The following KANSL1L variants were observed in gnomAD, a reference collection of about 807,000 sequenced individuals.
KANSL1L encodes KAT8 regulatory NSL complex subunit 1-like protein.
A neutral mutation model predicts 108.6 loss-of-function variants in KANSL1L; 25 were observed. The observed-to-expected ratio is 0.23, with a 90% confidence interval of 0.17 to 0.32. The LOEUF is 0.32. Ranked by LOEUF, KANSL1L falls within the 10% of genes least tolerant of loss-of-function variation. The pLI is 1.00. For synonymous variants in KANSL1L, 405 were observed against 395.1 expected, an observed-to-expected ratio of 1.03 and a Z score of -0.30; for missense variants, 1,137 against 1,125.7, an observed-to-expected ratio of 1.01 and a Z score of -0.14.
chr2:210,130,464 C>A (rs1385470777), intron 2 of KANSL1L, among the ~76,000 whole-genome samples: 1 of 152,104 alleles, frequency 6.6e-6, no homozygotes, highest in Admixed American at 6.6e-5. Context: ...TATGGCTTTG[C>A]TATATAGAAT....
chr2:210,129,878 T>G (rs2095104292), intron 2 of KANSL1L, among the ~76,000 whole-genome samples: 1 of 151,900 alleles, frequency 6.6e-6, no homozygotes, highest in Admixed American at 6.6e-5. Context: ...GGTTGATTCC[T>G]AGCTCCTCCT....
At chr2:210,096,311 T>G (rs1325381222) in intron 5 of KANSL1L, 2 of 163,590 alleles carry the variant, frequency 1.2e-5, no homozygotes, top group Admixed American at 6.5e-5. Flanking sequence ...ACAATTCCAT[T>G]TTTATTACAT....
chr2:210,131,943 C>A (rs912723603), intron 2 of KANSL1L, among the ~76,000 whole-genome samples: 1 of 151,928 alleles, frequency 6.6e-6, no homozygotes, highest in Non-Finnish European at 1.5e-5. Context: ...GTGATCTACC[C>A]GCCTCGGCCT....
intron 6 of KANSL1L, among the ~76,000 whole-genome samples, chr2:210,062,284 T>C (rs1471463946): frequency 6.6e-6 from 1 of 152,246 alleles, no homozygotes; most frequent in Non-Finnish European, 1.5e-5. Context: ...CCTTTCACCT[T>C]GTGCGGTGAT....
intron 5 of KANSL1L, among the ~76,000 whole-genome samples, chr2:210,092,032 T>G (rs1214795865): frequency 6.6e-6 from 1 of 152,198 alleles, no homozygotes; most frequent in Non-Finnish European, 1.5e-5. Context: ...AAGTCAGCTA[T>G]CCGTCTAACT....
Position 210,154,088 on chromosome 2 carries a change from T to C in KANSL1L, c.495A>G (p.Lys165=), listed in dbSNP as rs948018337. Residue 165 remains lysine (K), a synonymous_variant, in exon 2 of 15, where the codon AAA becomes AAG. Transcript: ENST00000281772. ...SNITKDTNVD[K]VQLQNCKWYQ... The stretch of plus-strand genomic sequence containing the variant: ...ACCATTTACAGTTTTGTAGTTGTAC[T>C]TTATCTACATTAGTGTCTTTGGTTA... The C allele has an allele frequency of 2.5e-6, 4 of 1,613,640 alleles. No homozygotes were observed. In the African/African-American group the frequency reaches 4.0e-5, roughly 16 times the overall value.
chr2:210,081,071 C>T (rs1007210725), intron 5 of KANSL1L, among the ~76,000 whole-genome samples: 9 of 151,786 alleles, frequency 5.9e-5, no homozygotes, highest in Non-Finnish European at 1.2e-4. Flanking sequence ...TGTGCCACTG[C>T]ACTCCAGCCT....
intron 3 of KANSL1L, among the ~76,000 whole-genome samples, chr2:210,127,442 TG>T (rs1369851749): frequency 1.3e-5 from 2 of 151,980 alleles, no homozygotes; most frequent in Non-Finnish European, 2.9e-5. Flanking sequence ...AGTAGACAAA[TG>T]GGACTTCAGA....
At chr2:210,096,616 A>G (rs2094738236) in intron 5 of KANSL1L, 1 of 985,238 alleles carries the variant, frequency 1.0e-6, no homozygotes, top group African/African-American at 1.7e-5. Context: ...ATGCTTATAC[A>G]CCAATTTGAT....
In KANSL1L at chr2:210,028,822, TATG is replaced by T; in HGVS notation, c.2396+20_2396+22del. On this transcript the variant is annotated intron_variant, in intron 11 of 14. Transcript: ENST00000281772. ...TTATTAGGGAAGGAAGGAAGAAAAA[TATG>T]AAGATGTAAGTATACATACCTTGGA... is the stretch of plus-strand genomic sequence containing the variant. The T allele has an allele frequency of 6.7e-7, 1 of 1,482,258 alleles. No individual in the cohort carries two copies. The highest frequency in any genetic ancestry group is 1.4e-5 in the African/African-American group (1 of 69,580). 91.8% of individuals were successfully genotyped at this position (1,482,258 alleles called of 1,614,324 possible). A position where few individuals can be genotyped will look rare whatever the true frequency, so the allele number is the denominator to read the frequency against.
At chr2:210,079,614 A>G (rs11894099) in intron 5 of KANSL1L, among the ~76,000 whole-genome samples, 386 of 1,818 alleles carry the variant, frequency 0.21, 10 homozygotes, top group East Asian at 0.39. Flanking sequence ...ATGTATGTGT[A>G]TATATATATA....
At chr2:210,169,158 CACAA>C (rs1033831769) in intron 1 of KANSL1L, among the ~76,000 whole-genome samples, 25 of 152,030 alleles carry the variant, frequency 1.6e-4, no homozygotes, top group African/African-American at 5.1e-4. Context: ...AAAACACACA[CACAA>C]ACAAACAACA....
intron 8 of KANSL1L, among the ~76,000 whole-genome samples, chr2:210,039,955 T>A (rs1014484665): frequency 1.3e-5 from 2 of 151,874 alleles, no homozygotes; most frequent in African/African-American, 4.8e-5. Flanking sequence ...TATAGATTTT[T>A]GTCATGTTTC....
intron 2 of KANSL1L, among the ~76,000 whole-genome samples, chr2:210,143,908 T>C (rs1233450219): frequency 1.3e-5 from 2 of 152,242 alleles, no homozygotes; most frequent in African/African-American, 4.8e-5. Context: ...GAATTGACTA[T>C]TACCAGTGAG....
chr2:210,117,569 C>T (rs145245566), intron 3 of KANSL1L, among the ~76,000 whole-genome samples: 103 of 152,216 alleles, frequency 6.8e-4, no homozygotes, highest in Non-Finnish European at 1.4e-3. Context: ...GGAAACCTTA[C>T]AGGTGAGGAG....
Position 210,043,931 on chromosome 2 carries a change from AG to A in KANSL1L, c.1921+7del. ...TCGTTACTTAGAAATTGTTACAAGGAGGCTTACCTGATGGCAATGATAGAAC... is the reference window on the plus strand; with the variant it reads ...TCGTTACTTAGAAATTGTTACAAGGAGCTTACCTGATGGCAATGATAGAAC... On this transcript the variant is annotated splice_region_variant and intron_variant, in intron 7 of 14. Transcript: ENST00000281772. 1 of 1,554,476 alleles carries A rather than the reference AG, an allele frequency of 6.4e-7. No individual in the cohort carries two copies. The highest frequency in any genetic ancestry group is 8.7e-7 in the Non-Finnish European group (1 of 1,146,804).
At chr2:210,155,828 A>G (rs1258824348) in intron 1 of KANSL1L, among the ~76,000 whole-genome samples, 1 of 152,198 alleles carries the variant, frequency 6.6e-6, no homozygotes, top group Non-Finnish European at 1.5e-5. Flanking sequence ...GTTTCAACAC[A>G]TAATAGTTGA....
intron 6 of KANSL1L, among the ~76,000 whole-genome samples, chr2:210,067,963 C>T (rs2094478984): frequency 6.6e-6 from 1 of 151,896 alleles, no homozygotes; most frequent in South Asian, 2.1e-4. Context: ...CTGCAACCTC[C>T]GCCTCCTGGG....
chr2:210,170,577 G>C (rs1375045031), intron 1 of KANSL1L: 1 of 154,678 alleles, frequency 6.5e-6, no homozygotes, highest in Non-Finnish European at 1.4e-5. Context: ...TGGAAGCACC[G>C]TCCCTCAAAA....
Sources: allele counts gnomAD v4.1 joint callset (sites outside exome capture counted in the v4.1 genomes callset), GRCh38; gene constraint gnomAD v4.1.1; transcripts MANE v1.5; gene names NCBI Gene and HGNC (gene_info 2026-07-23, HGNC 2026-07-21).